FHIT: variants seen among roughly 807,000 people sequenced by gnomAD.
The protein encoded by FHIT is fragile histidine triad diadenosine triphosphatase.
In FHIT, 19 loss-of-function variants were observed where a neutral mutation model predicts 17.9. The ratio of observed to expected loss-of-function variants is 1.06; its 90% confidence interval spans 0.74 to 1.56. FHIT has a LOEUF of 1.56. FHIT is among the 40% of genes most tolerant of loss of function. The pLI is 0.00. For synonymous variants in FHIT, 81 were observed against 69.7 expected (o/e 1.16, Z -0.81); for missense variants, 248 against 189.2 (o/e 1.31, Z -1.82).
intron 8 of FHIT, among the ~76,000 whole-genome samples, chr3:59,806,581 C>A (rs535903607): frequency 6.6e-6 from 1 of 151,766 alleles, no homozygotes; most frequent in Non-Finnish European, 1.5e-5. Flanking sequence ...ATTGTTACTG[C>A]AAGTGAGTTA....
rs1017708614 is a variant in FHIT, at chr3:60,452,417, G to C, written c.103+84443C>G. On this transcript the variant is annotated intron_variant, in intron 5 of 9. Transcript: ENST00000492590. ...TGTACCCAAGATGACTAAATTATTG[G>C]AAAGTAAGTGGTAACATAGTAATTA... Among the ~76,000 whole-genome samples the C allele has an allele frequency of 4.8e-4, 73 of 152,122 alleles. 3 individuals carry two copies. Among genetic ancestry groups the C allele is most frequent in the Non-Finnish European group, 5.9e-5 (4 of 68,038 alleles).
chr3:59,772,944 G>A (rs955108473), intron 8 of FHIT, among the ~76,000 whole-genome samples: 5 of 152,190 alleles, frequency 3.3e-5, no homozygotes, highest in East Asian at 1.9e-4. Flanking sequence ...CTGCCACAAC[G>A]AACACATTTG....
At chr3:61,240,023 C>T (rs2040336286) in intron 1 of FHIT, among the ~76,000 whole-genome samples, 1 of 152,024 alleles carries the variant, frequency 6.6e-6, no homozygotes, top group Non-Finnish European at 1.5e-5. Context: ...AACAGGAAGC[C>T]AAACACAGCT....
At chr3:59,953,904 T>C (rs1397248483) in intron 7 of FHIT, among the ~76,000 whole-genome samples, 2 of 152,148 alleles carry the variant, frequency 1.3e-5, no homozygotes, top group East Asian at 3.9e-4. Context: ...GTGGTGTGAG[T>C]CAGTTTGAGT....
chr3:60,143,330 T>C (rs971538131), intron 5 of FHIT, among the ~76,000 whole-genome samples: 2 of 152,148 alleles, frequency 1.3e-5, no homozygotes, highest in South Asian at 4.1e-4. Context: ...CCCTGATATA[T>C]GGGGAGAAGT....
intron 3 of FHIT, among the ~76,000 whole-genome samples, chr3:60,964,016 A>C (rs1287521712): frequency 2.0e-5 from 3 of 152,094 alleles, no homozygotes; most frequent in Non-Finnish European, 4.4e-5. Flanking sequence ...GATCTGTCTA[A>C]TGTTGCCAGT....
At chr3:61,015,392 G>C (rs1379046813) in intron 3 of FHIT, among the ~76,000 whole-genome samples, 1 of 152,140 alleles carries the variant, frequency 6.6e-6, no homozygotes, top group Non-Finnish European at 1.5e-5. Context: ...CCTGGATCTA[G>C]TGACTTGTTT....
intron 7 of FHIT, among the ~76,000 whole-genome samples, chr3:60,009,171 G>T (rs1358437823): frequency 3.2e-5 from 1 of 30,818 alleles, no homozygotes; most frequent in East Asian, 7.5e-4. Flanking sequence ...TTTTATGTGT[G>T]TGTGTGTGTG....
intron 5 of FHIT, among the ~76,000 whole-genome samples, chr3:60,138,252 G>A (rs1333369329): frequency 1.3e-5 from 2 of 152,158 alleles, no homozygotes; most frequent in Non-Finnish European, 2.9e-5. Flanking sequence ...AGTGATTGAT[G>A]CTAAGCATCT....
chr3:59,969,986 T>G (rs1304512346), intron 7 of FHIT, among the ~76,000 whole-genome samples: 3 of 152,042 alleles, frequency 2.0e-5, no homozygotes, highest in Non-Finnish European at 4.4e-5. Context: ...CAGAAAATTG[T>G]GTTTTCTTTT....
At chr3:60,064,007 G>T (rs529192280) in intron 5 of FHIT, among the ~76,000 whole-genome samples, 1 of 152,124 alleles carries the variant, frequency 6.6e-6, no homozygotes, top group African/African-American at 2.4e-5. Flanking sequence ...TAAAGGCTCC[G>T]TGTCGTTTTG....
At chr3:60,660,867 C>G (rs1294746566) in intron 4 of FHIT, among the ~76,000 whole-genome samples, 1 of 148,946 alleles carries the variant, frequency 6.7e-6, no homozygotes, top group Non-Finnish European at 1.5e-5. Context: ...ATTGTAAATA[C>G]TAGTTCTTTG....
At chr3:60,932,266 T>C (rs1707994370) in intron 3 of FHIT, among the ~76,000 whole-genome samples, 1 of 152,178 alleles carries the variant, frequency 6.6e-6, no homozygotes, top group Non-Finnish European at 1.5e-5. Flanking sequence ...ACAGGATAAG[T>C]GCCTTATCCT....
intron 4 of FHIT, among the ~76,000 whole-genome samples, chr3:60,546,936 A>G (rs964878470): frequency 8.5e-5 from 13 of 152,256 alleles, no homozygotes; most frequent in African/African-American, 1.2e-4. Flanking sequence ...TCCTCCCCAT[A>G]TATGCTGCTA....
intron 3 of FHIT, among the ~76,000 whole-genome samples, chr3:60,915,112 C>T (rs781971232): frequency 2.0e-5 from 3 of 152,166 alleles, no homozygotes; most frequent in Non-Finnish European, 4.4e-5. Flanking sequence ...GTGAAATTTA[C>T]AAGTTGTTAT....
chr3:60,573,639 T>G (rs2037463617), intron 4 of FHIT, among the ~76,000 whole-genome samples: 1 of 152,122 alleles, frequency 6.6e-6, no homozygotes, highest in African/African-American at 2.4e-5. Context: ...AGCTCCCTGC[T>G]GCTCTCAGGA....
At chr3:60,906,809 TGTA>T (rs1399379013) in intron 3 of FHIT, among the ~76,000 whole-genome samples, 2 of 152,168 alleles carry the variant, frequency 1.3e-5, no homozygotes, top group African/African-American at 4.8e-5. Context: ...CAATATGAAA[TGTA>T]GTGTCTTTTT....
intron 4 of FHIT, among the ~76,000 whole-genome samples, chr3:60,701,206 C>T (rs931088073): frequency 6.6e-6 from 1 of 150,948 alleles, no homozygotes; most frequent in African/African-American, 2.4e-5. Context: ...TCACTGCAGC[C>T]TCGACTTCCC....
chr3:60,918,627 C>G (rs1707128583), intron 3 of FHIT, among the ~76,000 whole-genome samples: 1 of 152,052 alleles, frequency 6.6e-6, no homozygotes, highest in Non-Finnish European at 1.5e-5. Flanking sequence ...GGAAAGGAAA[C>G]CAGGAGGAAG....
Sources: gnomAD v4.1 joint callset for allele counts (sites outside exome capture counted in the v4.1 genomes callset) on GRCh38, gnomAD v4.1.1 for gene constraint, MANE v1.5 for transcripts, NCBI Gene and HGNC (gene_info 2026-07-23, HGNC 2026-07-21) for gene names.